GRIN2A: variants seen among roughly 807,000 people sequenced by gnomAD.
The protein encoded by GRIN2A is glutamate ionotropic receptor NMDA type subunit 2A.
Under a neutral mutation model 113.4 loss-of-function variants are expected in GRIN2A, and 22 were observed. The observed-to-expected ratio is 0.19, with a 90% CI of 0.14 to 0.28. The LOEUF (loss-of-function observed/expected upper bound fraction) is 0.28. Ranked by LOEUF, GRIN2A falls within the 10% of genes least tolerant of loss-of-function variation. GRIN2A has a pLI of 1.00. For missense variants in GRIN2A, 1,502 were observed against 1,887.0 expected, an observed-to-expected ratio of 0.80 and a Z score of 3.78; for synonymous variants, 827 against 738.4, an observed-to-expected ratio of 1.12 and a Z score of -1.94.
intron 2 of GRIN2A, among the ~76,000 whole-genome samples, chr16:9,950,069 A>G: frequency 6.6e-6 from 1 of 152,166 alleles, no homozygotes; most frequent in East Asian, 1.9e-4. Flanking sequence ...TCACTGTCTG[A>G]ACCCTTGTTA....
At chr16:9,986,145 G>A (rs2045975899) in intron 2 of GRIN2A, among the ~76,000 whole-genome samples, 1 of 152,036 alleles carries the variant, frequency 6.6e-6, no homozygotes, top group South Asian at 2.1e-4. Context: ...CAACAGCATT[G>A]TTCCTTCTGG....
chr16:9,965,098 T>C (rs892538454), intron 2 of GRIN2A, among the ~76,000 whole-genome samples: 3 of 152,232 alleles, frequency 2.0e-5, no homozygotes, highest in Non-Finnish European at 4.4e-5. Flanking sequence ...CTACTCCAAA[T>C]GATGTACAAA....
chr16:9,892,339 G>A (rs1197382111), intron 3 of GRIN2A, among the ~76,000 whole-genome samples: 1 of 152,152 alleles, frequency 6.6e-6, no homozygotes, highest in Non-Finnish European at 1.5e-5. Context: ...ATAGATTGGA[G>A]GGGAACCAGA....
chr16:9,796,660 C>T (rs1394384027), intron 11 of GRIN2A, among the ~76,000 whole-genome samples: 1 of 152,184 alleles, frequency 6.6e-6, no homozygotes, highest in Non-Finnish European at 1.5e-5. Context: ...AAGAGCTTCC[C>T]CAGGTAGCTG....
chr16:10,061,778 G>A (rs538928656), intron 2 of GRIN2A, among the ~76,000 whole-genome samples: 2 of 152,282 alleles, frequency 1.3e-5, no homozygotes, highest in South Asian at 2.1e-4. Context: ...AAGAATGCCA[G>A]CTCCAGTAAA....
At chr16:10,039,963 A>G (rs866857782) in intron 2 of GRIN2A, among the ~76,000 whole-genome samples, 1 of 1,292 alleles carries the variant, frequency 7.7e-4, no homozygotes, top group African/African-American at 2.0e-3. Flanking sequence ...ACAACCCACA[A>G]AAACACACAA....
At chr16:9,846,539 A>G (rs760042291) in intron 5 of GRIN2A, among the ~76,000 whole-genome samples, 2 of 152,136 alleles carry the variant, frequency 1.3e-5, no homozygotes, top group Non-Finnish European at 2.9e-5. Context: ...GGAAGTAAAA[A>G]TCTCTCTTCC....
chr16:10,039,466 T>G (rs1408695709), intron 2 of GRIN2A, among the ~76,000 whole-genome samples: 3 of 152,140 alleles, frequency 2.0e-5, no homozygotes, highest in Admixed American at 2.0e-4. Context: ...TAGAGTTGTT[T>G]GTTTGAAAAT....
At chr16:9,937,781 CT>C (rs1224395653) in intron 3 of GRIN2A, 177 bp downstream of exon 3, 4 of 617,566 alleles carry the variant, frequency 6.5e-6, no homozygotes, top group Non-Finnish European at 1.2e-5. Context: ...TCTAATGTGA[CT>C]TTTCTTACAA....
chr16:9,999,222 A>G (rs887745963), intron 2 of GRIN2A, among the ~76,000 whole-genome samples: 16 of 152,208 alleles, frequency 1.1e-4, no homozygotes, highest in African/African-American at 3.4e-4. Flanking sequence ...AAGTTCTGGT[A>G]TCAGACTGCC....
At chr16:10,172,579 C>T (rs1340752999) in intron 2 of GRIN2A, among the ~76,000 whole-genome samples, 1 of 152,192 alleles carries the variant, frequency 6.6e-6, no homozygotes, top group Non-Finnish European at 1.5e-5. Context: ...GGCACCTGTC[C>T]TGTCCCAGGA....
chr16:10,105,778 G>A (rs371495678), intron 2 of GRIN2A, among the ~76,000 whole-genome samples: 95 of 152,220 alleles, frequency 6.2e-4, no homozygotes, highest in African/African-American at 2.1e-3. Context: ...ATGGTGGTGC[G>A]CACACGTAAT....
At chr16:10,059,041 G>A (rs184310084) in intron 2 of GRIN2A, among the ~76,000 whole-genome samples, 11 of 152,222 alleles carry the variant, frequency 7.2e-5, no homozygotes, top group Non-Finnish European at 1.3e-4. Context: ...ATACATGGAA[G>A]AGGGATTCAG....
intron 4 of GRIN2A, among the ~76,000 whole-genome samples, chr16:9,869,893 A>T (rs1485178440): frequency 6.6e-6 from 1 of 152,200 alleles, no homozygotes; most frequent in Non-Finnish European, 1.5e-5. Context: ...TCCCACCTGC[A>T]ATGTGCATGT....
intron 2 of GRIN2A, among the ~76,000 whole-genome samples, chr16:10,147,152 G>C (rs1204051472): frequency 2.0e-5 from 3 of 152,058 alleles, no homozygotes; most frequent in Non-Finnish European, 4.4e-5. Context: ...GCCAGGCATA[G>C]TATTAAAGAC....
At chr16:10,166,625 G>T (rs1366548120) in intron 2 of GRIN2A, among the ~76,000 whole-genome samples, 13 of 152,164 alleles carry the variant, frequency 8.5e-5, no homozygotes, top group Non-Finnish European at 2.9e-5. Context: ...AGTCTCTCCA[G>T]CTAGATTCTG....
Position 9,768,841 on chromosome 16 carries a change from G to A in GRIN2A, c.2595+10C>T, listed in dbSNP as rs1901081427. 1 of 1,592,164 alleles carries A rather than the reference G, an allele frequency of 6.3e-7. No individual in the cohort carries two copies. Among genetic ancestry groups the A allele is most frequent in the Non-Finnish European group, 8.6e-7 (1 of 1,160,094 alleles). ...TGCAGTGCAAGAAAGTAGCCACCCG[G>A]TGTACTGACCCTGCTGATGGAGAAG... On this transcript the variant is annotated intron_variant, in intron 12 of 12. Transcript: ENST00000330684.
Position 9,965,423 on chromosome 16 carries a change from G to A in GRIN2A, c.415-26872C>T, listed in dbSNP as rs576129978. ...TCAATATCATTAAAAGTTGGGCAGT[G>A]AGGAAGCCAGGAAATAGAACACAAA... is the stretch of plus-strand genomic sequence containing the variant. On this transcript the variant is annotated intron_variant, in intron 2 of 12. Coordinates refer to ENST00000330684, the MANE Select transcript of GRIN2A (RefSeq NM_001134407.3). Among the ~76,000 whole-genome samples, 6 of 152,334 alleles carry A rather than the reference G, an allele frequency of 3.9e-5. No individual in the cohort carries two copies. The South Asian group carries it at 8.3e-4, about 21-fold the overall frequency.
chr16:10,084,133 A>C (rs983806232), intron 2 of GRIN2A, among the ~76,000 whole-genome samples: 3 of 152,218 alleles, frequency 2.0e-5, no homozygotes, highest in Non-Finnish European at 4.4e-5. Flanking sequence ...AGTTGTAAAA[A>C]TTAAATAAGT....
Sources: allele counts gnomAD v4.1 joint callset (sites outside exome capture counted in the v4.1 genomes callset), GRCh38; gene constraint gnomAD v4.1.1; transcripts MANE v1.5; gene names NCBI Gene and HGNC (gene_info 2026-07-23, HGNC 2026-07-21).